MED26: variants seen among roughly 807,000 people sequenced by gnomAD.
MED26 encodes mediator of RNA polymerase II transcription subunit 26.
MED26 carries 7 observed loss-of-function variants against 43.7 expected under a neutral mutation model. The observed-to-expected ratio is 0.16, with a 90% CI of 0.09 to 0.30. The LOEUF is 0.30. MED26 is among the 10% of genes least tolerant of loss of function. The probability of loss-of-function intolerance (pLI) is 1.00; values close to 1 mark genes in which losing one functional copy is unlikely to be tolerated. For missense variants in MED26, 784 were observed against 840.6 expected (o/e 0.93, Z 0.83); for synonymous variants, 375 against 371.1 (o/e 1.01, Z -0.12).
rs1261784977 is a variant in MED26 at position 16,587,612 on chromosome 19, C to T, written c.73-9203G>A. The T allele has an allele frequency of 6.6e-6, 1 of 152,338 alleles. No homozygotes were observed. The highest frequency in any genetic ancestry group is 1.5e-5 in the Non-Finnish European group (1 of 68,132). 9.4% of individuals were successfully genotyped at this position (152,338 alleles called of 1,614,324 possible). On this transcript the variant is annotated intron_variant, in intron 1 of 2. Transcript: ENST00000263390. The surrounding 1 kb of genome is among the most constrained non-coding windows in gnomAD (Gnocchi z 4.9). ...GGAAGGTGCATGTCTCGGCCACAGCCACCAAGCTCACCACTTGAAAAGCAC... is the reference window on the plus strand; with the variant it reads ...GGAAGGTGCATGTCTCGGCCACAGCTACCAAGCTCACCACTTGAAAAGCAC...
intron 1 of MED26, among the ~76,000 whole-genome samples, chr19:16,620,798 AG>A (rs889925904): frequency 2.0e-5 from 3 of 152,196 alleles, no homozygotes; most frequent in African/African-American, 7.2e-5. Context: ...CTGCTCTCAG[AG>A]TTACACTGAT....
At chr19:16,578,255 G>A (rs776550078) in intron 2 of MED26, 80 bp downstream of exon 2, 4 of 1,296,050 alleles carry the variant, frequency 3.1e-6, no homozygotes, top group South Asian at 2.4e-5. Context: ...GATGCTCCCA[G>A]AAGCTGCGGA....
Position 16,576,459 on chromosome 19 carries a change from T to C in MED26, c.1371A>G (p.Thr457=), listed in dbSNP as rs1171248257. 3.1e-6 allele frequency: 5 copies of C among 1,614,046 alleles called. No homozygotes were observed. The highest frequency in any genetic ancestry group is 1.3e-5 in the African/African-American group (1 of 74,926). The change falls in exon 3 of 3, where the codon ACA becomes ACG. Residue 457 remains threonine (T), a synonymous_variant. Coordinates refer to ENST00000263390, the MANE Select transcript of MED26 (RefSeq NM_004831.5). This position sits in a 1 kb window ranked among gnomAD's most constrained non-coding sequence, Gnocchi z 6.8. The stretch of plus-strand genomic sequence containing the variant: ...CCTTGGCCTCCTGCTTGTCCAGCTC[T>C]GTCCTGGACTGCTGCTCCATGTGCA... The part of the protein sequence containing the change: ...SPVHMEQQSR[T]ELDKQEAKAS...
intron 1 of MED26, 59 bp from the exon 2 acceptor site, chr19:16,578,468 C>T (rs376939056): frequency 7.9e-6 from 12 of 1,522,406 alleles, no homozygotes; most frequent in East Asian, 4.6e-5. Context: ...GAGGCTGGAA[C>T]ACCCTGCCCC....
chr19:16,578,082 A>G, intron 2 of MED26: 1 of 544,816 alleles, frequency 1.8e-6, no homozygotes, highest in East Asian at 3.3e-5. Flanking sequence ...AGCCTCCTCC[A>G]AGCACACCTC....
At position 16,628,075 on chromosome 19, in the gene MED26, C is replaced by A. The variant is rs574687735; in HGVS notation, c.-132G>T. ...CCCCGCGGCGCCGGGGGGTTGGGGG[C>A]GCGCGGGGTGGCGGAGAGGGGAGCC... On this transcript the variant is annotated 5_prime_UTR_variant, in exon 1 of 3. Coordinates refer to ENST00000263390, the MANE Select transcript of MED26 (RefSeq NM_004831.5). The A allele has an allele frequency of 3.7e-4, 167 of 445,968 alleles. 1 individual carries two copies. Among genetic ancestry groups the A allele is most frequent in the Non-Finnish European group, 2.7e-4 (74 of 270,136 alleles). 27.6% of individuals were successfully genotyped at this position (445,968 alleles called of 1,614,324 possible).
chr19:16,579,243 C>G (rs921958060), intron 1 of MED26, among the ~76,000 whole-genome samples: 1 of 152,218 alleles, frequency 6.6e-6, no homozygotes, highest in Non-Finnish European at 1.5e-5. Flanking sequence ...AATGCCTGTA[C>G]AGCAGTACAG....
intron 1 of MED26, among the ~76,000 whole-genome samples, chr19:16,617,067 G>A (rs954980474): frequency 6.6e-6 from 1 of 152,166 alleles, no homozygotes; most frequent in Non-Finnish European, 1.5e-5. Context: ...AGGAAACCGT[G>A]TTCACAGTGC....
rs2086003479 is a variant in MED26 at position 16,576,683 on chromosome 19, C to G, written c.1147G>C (p.Ala383Pro). The G allele has an allele frequency of 6.2e-7, 1 of 1,613,878 alleles. No homozygotes were observed. The highest frequency in any genetic ancestry group is 8.5e-7 in the Non-Finnish European group (1 of 1,180,036). The change falls in exon 3 of 3, where the codon GCT becomes CCT. Residue 383 changes from alanine to proline, a missense_variant. By Grantham distance (27) the Ala-to-Pro change is conservative. Transcript: ENST00000263390. The surrounding 1 kb of genome is among the most constrained non-coding windows in gnomAD (Gnocchi z 6.8). ...SPDSSKADSD[A>P]ASSGGSDSKK... ...CTGTCCGAGCCCCCTGAGGAGGCAG[C>G]ATCACTGTCCGCCTTGGAGGAGTCT... is the stretch of plus-strand genomic sequence containing the variant.
rs118099919 is a variant in MED26, at chr19:16,597,584, C to T, written c.73-19175G>A. ...ATATGAAAGGAGGCACACACCAACACGGTCCTGAGTTCACCCTCTCTCTCC... is the reference window on the plus strand; with the variant it reads ...ATATGAAAGGAGGCACACACCAACATGGTCCTGAGTTCACCCTCTCTCTCC... On this transcript the variant is annotated intron_variant, in intron 1 of 2. Coordinates refer to ENST00000263390, the MANE Select transcript of MED26 (RefSeq NM_004831.5). 3.6e-4 allele frequency: 142 copies of T among 397,046 alleles called. No homozygotes were observed. In the East Asian group the frequency reaches 4.6e-3, roughly 13 times the overall value. 24.6% of individuals were successfully genotyped at this position (397,046 alleles called of 1,614,324 possible).
chr19:16,620,276 C>G (rs2086245874), intron 1 of MED26, among the ~76,000 whole-genome samples: 1 of 152,188 alleles, frequency 6.6e-6, no homozygotes, highest in African/African-American at 2.4e-5. Context: ...AGGCAGCCAG[C>G]AGGTGGCTGT....
chr19:16,576,553 G>A lies in MED26; in HGVS notation c.1277C>T (p.Thr426Ile), dbSNP rs750107311. ...GATCTGTCTCGTCATGGGGTCAAAG[G>A]TGAGCTTCCGCTCTTTTAACCGGAC... ...KPVRLKERKLTFDPMTRQIKP... is the reference protein window; with the variant it reads ...KPVRLKERKLIFDPMTRQIKP... The change falls in exon 3 of 3, where the codon ACC becomes ATC. Residue 426 changes from threonine to isoleucine, a missense_variant. Thr to Ile is a moderately conservative substitution (Grantham distance 89). This residue lies in a region of MED26 where 719 missense variants were observed against 730.9 expected (regional missense o/e 0.98). Coordinates refer to ENST00000263390, the MANE Select transcript of MED26 (RefSeq NM_004831.5). The surrounding 1 kb of genome is among the most constrained non-coding windows in gnomAD (Gnocchi z 6.8). The A allele has an allele frequency of 1.2e-6, 2 of 1,614,212 alleles. No homozygotes were observed. Among genetic ancestry groups the A allele is most frequent in the Non-Finnish European group, 8.5e-7 (1 of 1,180,050 alleles).
At chr19:16,594,286 C>T (rs557157618) in intron 1 of MED26, among the ~76,000 whole-genome samples, 1 of 152,354 alleles carries the variant, frequency 6.6e-6, no homozygotes, top group East Asian at 1.9e-4. Flanking sequence ...CACTTCCTTC[C>T]TTTCCCACTA....
chr19:16,609,942 A>T (rs1264936096), intron 1 of MED26, among the ~76,000 whole-genome samples: 7 of 86,098 alleles, frequency 8.1e-5, no homozygotes, highest in Admixed American at 3.8e-4. Context: ...AGCACTCTTT[A>T]AAAAAAAAAA....
chr19:16,611,773 T>C (rs1026151908), intron 1 of MED26: 1 of 152,090 alleles, frequency 6.6e-6, no homozygotes, highest in African/African-American at 2.4e-5. Context: ...ACTCTGTGGA[T>C]GCACCATGAT....
chr19:16,583,252 C>T (rs1275282099), intron 1 of MED26, among the ~76,000 whole-genome samples: 1 of 152,202 alleles, frequency 6.6e-6, no homozygotes, highest in Non-Finnish European at 1.5e-5. Context: ...TGTTCCCAGT[C>T]CAAAAAAACC....
In MED26 at chr19:16,576,019, C is replaced by G. The variant is rs750323205; in HGVS notation, c.*8G>C. On this transcript the variant is annotated 3_prime_UTR_variant, in exon 3 of 3. Coordinates refer to ENST00000263390, the MANE Select transcript of MED26 (RefSeq NM_004831.5). The surrounding 1 kb of genome is among the most constrained non-coding windows in gnomAD (Gnocchi z 6.8). ...AGATGGGAATGCACTTTGTGGCTGA[C>G]AGGCCGGTCAGTCCAAGCAGACATA... 1.2e-6 allele frequency: 2 copies of G among 1,600,606 alleles called. No homozygotes were observed. The highest frequency in any genetic ancestry group is 1.7e-6 in the Non-Finnish European group (2 of 1,170,184).
chr19:16,627,718 G>C (rs747489599), intron 1 of MED26, among the ~76,000 whole-genome samples, 154 bp downstream of exon 1: 9 of 152,220 alleles, frequency 5.9e-5, no homozygotes, highest in Non-Finnish European at 1.2e-4. Context: ...CCCCGGCCCG[G>C]GCCCGAGAAG....
chr19:16,625,638 G>A (rs2086271181), intron 1 of MED26, among the ~76,000 whole-genome samples: 2 of 151,840 alleles, frequency 1.3e-5, no homozygotes, highest in South Asian at 2.1e-4. Flanking sequence ...AGAGCGGCAC[G>A]CCGGCAGCAC....
Sources: allele counts gnomAD v4.1 joint callset (sites outside exome capture counted in the v4.1 genomes callset), GRCh38; gene constraint gnomAD v4.1.1; regional missense constraint gnomAD v4.1.1; non-coding constraint Gnocchi (gnomAD v3.1); transcripts MANE v1.5; gene names NCBI Gene and HGNC (gene_info 2026-07-23, HGNC 2026-07-21).